AFF2: variants seen among roughly 807,000 people sequenced by gnomAD.
The protein encoded by AFF2 is ALF transcription elongation factor 2, also known as AF4/FMR2 family member 2.
Under a neutral mutation model 76.9 loss-of-function variants are expected in AFF2, and 14 were observed. The observed-to-expected ratio is 0.18, with a 90% CI of 0.12 to 0.28. AFF2 has a LOEUF of 0.28. AFF2 is among the 10% of genes least tolerant of loss of function. The pLI, the probability that AFF2 is intolerant of heterozygous loss-of-function variation, is 1.00. For synonymous variants in AFF2, 398 were observed against 366.7 expected, an observed-to-expected ratio of 1.09 and a Z score of -0.98; for missense variants, 868 against 1,001.1, an observed-to-expected ratio of 0.87 and a Z score of 1.79.
chrX:148,705,023 A>G (rs782219107), intron 3 of AFF2, among the ~76,000 whole-genome samples: 4 of 111,129 alleles, frequency 3.6e-5, no homozygotes, highest in African/African-American at 1.3e-4. Flanking sequence ...TCAAAACCCT[A>G]CCTTCAACAG....
chrX:148,643,351 A>G (rs898966563), intron 1 of AFF2, among the ~76,000 whole-genome samples: 1 of 111,825 alleles, frequency 8.9e-6, no homozygotes, highest in African/African-American at 3.2e-5. Context: ...ACATCCATTC[A>G]AGGCCCCTAC....
intron 3 of AFF2, among the ~76,000 whole-genome samples, chrX:148,708,519 G>A (rs1367049119): frequency 8.9e-6 from 1 of 111,951 alleles, no homozygotes; most frequent in African/African-American, 3.2e-5. Flanking sequence ...ACAGTCACTA[G>A]AAATATGGTA....
intron 4 of AFF2, among the ~76,000 whole-genome samples, chrX:148,826,968 G>A (rs2070395752): frequency 1.8e-5 from 2 of 110,805 alleles, no homozygotes; most frequent in Admixed American, 1.9e-4. Flanking sequence ...GTGGATGGGG[G>A]GCGGGAGAGA....
chrX:148,967,732 A>T (rs1164736456), intron 15 of AFF2, 40 bp downstream of exon 15: 7 of 1,149,858 alleles, frequency 6.1e-6, no homozygotes, highest in Non-Finnish European at 7.1e-6. Flanking sequence ...CCTATTAAGG[A>T]TTTATGTTTC....
chrX:148,630,780 C>T (rs1304760424), intron 1 of AFF2, among the ~76,000 whole-genome samples: 2 of 111,747 alleles, frequency 1.8e-5, no homozygotes, highest in Non-Finnish European at 1.9e-5. Flanking sequence ...TTACAGGTTC[C>T]CCTCTCATGA....
intron 1 of AFF2, among the ~76,000 whole-genome samples, chrX:148,593,492 T>A (rs917094347): frequency 5.4e-5 from 6 of 111,119 alleles, no homozygotes; most frequent in African/African-American, 2.0e-4. Flanking sequence ...TATAGGAATG[T>A]TTTCAAAGCT....
At chrX:148,923,433 A>C (rs1048965127) in intron 9 of AFF2, among the ~76,000 whole-genome samples, 1 of 111,633 alleles carries the variant, frequency 9.0e-6, no homozygotes, top group Non-Finnish European at 1.9e-5. Context: ...GTCTTGTCAA[A>C]AGGCCGCTTC....
At chrX:148,617,859 G>A (rs1175133695) in intron 1 of AFF2, among the ~76,000 whole-genome samples, 1 of 112,198 alleles carries the variant, frequency 8.9e-6, no homozygotes, top group Admixed American at 9.4e-5. Flanking sequence ...TCTGAATTAT[G>A]AAGTAAAACT....
At chrX:148,517,989 C>T (rs1557234029) in intron 1 of AFF2, among the ~76,000 whole-genome samples, 1 of 104,313 alleles carries the variant, frequency 9.6e-6, no homozygotes, top group Admixed American at 1.0e-4. Flanking sequence ...CGCCACTGCA[C>T]TCCAGCCTGG....
intron 9 of AFF2, among the ~76,000 whole-genome samples, chrX:148,947,930 C>T (rs1420602873): frequency 8.9e-6 from 1 of 112,420 alleles, no homozygotes; most frequent in African/African-American, 3.2e-5. Context: ...TCATGTAGGA[C>T]TCTCCCATTA....
chrX:148,863,810 G>C (rs1557276632), intron 7 of AFF2, among the ~76,000 whole-genome samples: 1 of 111,375 alleles, frequency 9.0e-6, no homozygotes, highest in Non-Finnish European at 1.9e-5. Context: ...TAGGAATCCG[G>C]GTAGCAGTGT....
intron 1 of AFF2, among the ~76,000 whole-genome samples, chrX:148,617,055 G>A (rs2053815753): frequency 9.0e-6 from 1 of 111,702 alleles, no homozygotes; most frequent in African/African-American, 3.3e-5. Context: ...TGTCTTTATA[G>A]CAGCATGATT....
At chrX:148,761,308 C>A (rs1484090307) in intron 3 of AFF2, among the ~76,000 whole-genome samples, 5 of 110,657 alleles carry the variant, frequency 4.5e-5, no homozygotes. Context: ...CTATTTAGAA[C>A]TATTATGTAA....
intron 19 of AFF2, among the ~76,000 whole-genome samples, chrX:148,983,150 G>A (rs1193511048): frequency 8.9e-6 from 1 of 112,030 alleles, no homozygotes; most frequent in African/African-American, 3.2e-5. Context: ...TCTTGACACA[G>A]GGTTCTGGAA....
chrX:148,926,254 G>A (rs1433355475), intron 9 of AFF2, among the ~76,000 whole-genome samples: 13 of 112,317 alleles, frequency 1.2e-4, no homozygotes, highest in African/African-American at 3.9e-4. Flanking sequence ...GGCTGTACTG[G>A]AAGTTCCATT....
chrX:148,822,801 A>G (rs2070344671), intron 4 of AFF2, among the ~76,000 whole-genome samples: 1 of 109,507 alleles, frequency 9.1e-6, no homozygotes, highest in Admixed American at 9.8e-5. Flanking sequence ...TCATTATTGG[A>G]ATGAACACAC....
At chrX:148,865,966 T>C (rs1249899454) in intron 7 of AFF2, among the ~76,000 whole-genome samples, 2 of 111,749 alleles carry the variant, frequency 1.8e-5, no homozygotes, top group African/African-American at 6.5e-5. Context: ...GAGTTGGGCA[T>C]TTGAGTTCAA....
intron 9 of AFF2, among the ~76,000 whole-genome samples, chrX:148,906,639 G>T (rs2071410218): frequency 8.9e-6 from 1 of 112,074 alleles, no homozygotes; most frequent in Non-Finnish European, 1.9e-5. Context: ...CCAGGCATTT[G>T]AGCCAGATCA....
chrX:148,987,296 G>C, intron 19 of AFF2, 71 bp from the exon 20 acceptor site: 4 of 972,443 alleles, frequency 4.1e-6, no homozygotes, highest in Non-Finnish European at 5.7e-6. Context: ...CAGCGTGATG[G>C]GGAAGGCCTA....
Sources: gnomAD v4.1 joint callset for allele counts (sites outside exome capture counted in the v4.1 genomes callset) on GRCh38, gnomAD v4.1.1 for gene constraint, MANE v1.5 for transcripts, NCBI Gene and HGNC (gene_info 2026-07-23, HGNC 2026-07-21) for gene names.